The following DRC3 variants were observed in gnomAD, a reference collection of about 807,000 sequenced individuals.
DRC3 encodes dynein regulatory complex subunit 3.
DRC3 carries 45 observed loss-of-function variants against 57.6 expected under a neutral mutation model. The observed-to-expected ratio is 0.78, with a 90% CI of 0.62 to 1.00. The LOEUF (loss-of-function observed/expected upper bound fraction) is 1.00, where lower values mean the gene tolerates loss of function less well. Ranked by LOEUF, DRC3 falls within the 50% of genes least tolerant of loss-of-function variation. The pLI, the probability that DRC3 is intolerant of heterozygous loss-of-function variation, is 0.00. For missense variants in DRC3, 655 were observed against 675.2 expected (o/e 0.97, Z 0.33); for synonymous variants, 257 against 272.3 (o/e 0.94, Z 0.55).
chr17:17,991,727 G>T (rs1485260886), intron 5 of DRC3, among the ~76,000 whole-genome samples: 1 of 151,666 alleles, frequency 6.6e-6, no homozygotes, highest in Non-Finnish European at 1.5e-5. Context: ...AGTGTAGGGA[G>T]AATAAATAAA....
chr17:17,983,080 C>A (rs561036797), intron 3 of DRC3, among the ~76,000 whole-genome samples: 233 of 152,136 alleles, frequency 1.5e-3, no homozygotes, highest in Non-Finnish European at 1.8e-3. Flanking sequence ...TGACAGAAAC[C>A]AAACTCTGGC....
rs1345717868 is a variant in DRC3, at chr17:17,977,761, A to G, written c.160+3A>G. 1.3e-6 allele frequency: 2 copies of G among 1,596,198 alleles called. No homozygotes were observed. The highest frequency in any genetic ancestry group is 2.7e-5 in the African/African-American group (2 of 74,508). On this transcript the variant is annotated splice_donor_region_variant and intron_variant, in intron 3 of 13. Transcript: ENST00000399187. ...GTCCCTGCAGCTGGACTTTCGGAGT[A>G]TGTATCCAAGGTTCAGGGGTGGTGG...
chr17:17,997,329 G>A, intron 8 of DRC3, 131 bp from the exon 9 acceptor site: 1 of 774,358 alleles, frequency 1.3e-6, no homozygotes, highest in Non-Finnish European at 2.0e-6. Flanking sequence ...AACCAAATGA[G>A]ACCAGGAGTT....
intron 7 of DRC3, among the ~76,000 whole-genome samples, chr17:17,994,777 G>C (rs1456639650): frequency 6.6e-6 from 1 of 152,174 alleles, no homozygotes; most frequent in East Asian, 1.9e-4. Flanking sequence ...ACTGGACCCA[G>C]TTGGCCTCTT....
At chr17:18,004,578 G>A (rs905017157) in intron 10 of DRC3, 84 bp downstream of exon 10, 14 of 1,490,686 alleles carry the variant, frequency 9.4e-6, no homozygotes, top group African/African-American at 2.8e-5. Flanking sequence ...TCATGGGCAC[G>A]CCTCTGCTGG....
Position 17,987,945 on chromosome 17 carries a change from C to T in DRC3, c.291C>T (p.Asn97=). Residue 97 remains asparagine (N), a synonymous_variant, in exon 5 of 14, where the codon AAC becomes AAT. Coordinates refer to ENST00000399187, the MANE Select transcript of DRC3 (RefSeq NM_031294.4). The stretch of plus-strand genomic sequence containing the variant: ...TCTTCTTCCCAGATCTGTCTTTCAA[C>T]AACATTGAGACCATCGAGGGGCTGG... ...AHLVWLDLSF[N]NIETIEGLDT... is the part of the protein sequence containing the mutation. 3.1e-6 allele frequency: 5 copies of T among 1,613,910 alleles called. No homozygotes were observed. Among genetic ancestry groups the T allele is most frequent in the Non-Finnish European group, 4.2e-6 (5 of 1,179,848 alleles).
intron 1 of DRC3, among the ~76,000 whole-genome samples, chr17:17,973,494 G>A (rs2042231237): frequency 6.6e-6 from 1 of 152,154 alleles, no homozygotes; most frequent in Non-Finnish European, 1.5e-5. Flanking sequence ...GGAAATAAGG[G>A]CATTAGGACT....
In DRC3 at chr17:17,972,873, C is replaced by T. The variant is rs549267981; in HGVS notation, c.-230C>T. On this transcript the variant is annotated 5_prime_UTR_variant, in exon 1 of 14. Transcript: ENST00000399187. ...GTCAACTTTCACCCAGGATGTCTCC[C>T]TTCTGACTTCCCCTTAGCAACCAAG... 6.5e-6 allele frequency: 1 copy of T among 153,140 alleles called. No individual in the cohort carries two copies. Among genetic ancestry groups the T allele is most frequent in the Admixed American group, 6.5e-5 (1 of 15,310 alleles). The allele number at this position is 153,140 out of a possible 1,614,324, so 9.5% of individuals were successfully genotyped here.
rs181810674 is a variant in DRC3 at position 17,972,943 on chromosome 17, G to T, written c.-160G>T. On this transcript the variant is annotated 5_prime_UTR_variant, in exon 1 of 14. Coordinates refer to ENST00000399187, the MANE Select transcript of DRC3 (RefSeq NM_031294.4). ...AGCAACCGGGAGACGCGTCTGCTGCGTGGAACCGCCGAGTTCCCAGCGCTT... is the reference window on the plus strand; with the variant it reads ...AGCAACCGGGAGACGCGTCTGCTGCTTGGAACCGCCGAGTTCCCAGCGCTT... 212 of 152,798 alleles carry T rather than the reference G, an allele frequency of 1.4e-3. No individual in the cohort carries two copies. Among genetic ancestry groups the T allele is most frequent in the Middle Eastern group, 0.014 (4 of 294 alleles). 9.5% of individuals were successfully genotyped at this position (152,798 alleles called of 1,614,324 possible).
At chr17:17,981,587 T>G (rs1420318568) in intron 3 of DRC3, 1 of 152,688 alleles carries the variant, frequency 6.5e-6, no homozygotes, top group African/African-American at 2.4e-5. Context: ...CCGGCTCAGG[T>G]CAGTCGGTCC....
At chr17:17,976,428 C>T (rs894265126) in intron 2 of DRC3, among the ~76,000 whole-genome samples, 1 of 152,140 alleles carries the variant, frequency 6.6e-6, no homozygotes, top group Admixed American at 6.5e-5. Context: ...GCCTGTAATC[C>T]CAGCACTTTG....
intron 3 of DRC3, among the ~76,000 whole-genome samples, chr17:17,982,725 C>T (rs957586422): frequency 6.6e-5 from 10 of 151,928 alleles, no homozygotes; most frequent in Non-Finnish European, 1.0e-4. Context: ...CAGACGTGCA[C>T]CACCACGCCC....
At chr17:17,995,177 C>A in intron 8 of DRC3, 66 bp downstream of exon 8, 1 of 1,093,516 alleles carries the variant, frequency 9.1e-7, no homozygotes, top group Non-Finnish European at 1.4e-6. Flanking sequence ...AAGGCCCCTT[C>A]CGCTCTAGGC....
At position 18,006,986 on chromosome 17, in the gene DRC3, C is replaced by G. The variant is rs373886878; in HGVS notation, c.1203-38C>G. The G allele has an allele frequency of 5.0e-6, 8 of 1,610,654 alleles. No individual in the cohort carries two copies. The African/African-American group carries it at 9.4e-5, about 19-fold the overall frequency. ...TGAGAGCATCAGGGACGCGCCGGGC[C>G]TGCTCCTCCCGGGCCTTTGCTTAAC... On this transcript the variant is annotated intron_variant, in intron 11 of 13. Coordinates refer to ENST00000399187, the MANE Select transcript of DRC3 (RefSeq NM_031294.4).
At chr17:18,011,143 G>C (rs1568545526) in intron 12 of DRC3, 1 of 221,542 alleles carries the variant, frequency 4.5e-6, no homozygotes, top group Non-Finnish European at 9.0e-6. Flanking sequence ...TTTTAGTAGA[G>C]ATGGGGTTTC....
chr17:17,995,779 T>C, intron 8 of DRC3: 1 of 152,330 alleles, frequency 6.6e-6, no homozygotes, highest in East Asian at 1.9e-4. Context: ...TGGAGCCACC[T>C]TCACTGGATA....
chr17:17,998,692 C>T (rs1211473359), intron 9 of DRC3, among the ~76,000 whole-genome samples: 1 of 152,116 alleles, frequency 6.6e-6, no homozygotes, highest in Non-Finnish European at 1.5e-5. Flanking sequence ...CCAACGGCCA[C>T]CCCCATTCCT....
intron 6 of DRC3, chr17:17,993,665 G>A (rs1209451172): frequency 6.5e-6 from 1 of 153,156 alleles, no homozygotes; most frequent in Non-Finnish European, 1.5e-5. Flanking sequence ...GGCAGAGTCA[G>A]GGCTGGAGGT....
intron 9 of DRC3, among the ~76,000 whole-genome samples, chr17:17,999,156 T>G (rs1320962832): frequency 6.6e-6 from 1 of 152,186 alleles, no homozygotes; most frequent in African/African-American, 2.4e-5. Context: ...AAGCAGGATA[T>G]GGGCCATGCC....
Sources: allele counts gnomAD v4.1 joint callset (sites outside exome capture counted in the v4.1 genomes callset), GRCh38; gene constraint gnomAD v4.1.1; transcripts MANE v1.5; gene names NCBI Gene and HGNC (gene_info 2026-07-23, HGNC 2026-07-21).